AHRR: variants seen among roughly 807,000 people sequenced by gnomAD.
The protein encoded by AHRR is ahR repressor.
Under a neutral mutation model 44.0 loss-of-function variants are expected in AHRR, and 28 were observed. The observed-to-expected ratio is 0.64, with a 90% CI of 0.47 to 0.87. AHRR has a LOEUF of 0.87. Ranked by LOEUF, AHRR falls within the 40% of genes least tolerant of loss-of-function variation. The probability of loss-of-function intolerance (pLI) is 0.00; values close to 1 mark genes in which losing one functional copy is unlikely to be tolerated. For missense variants in AHRR, 990 were observed against 953.9 expected (o/e 1.04, Z -0.50); for synonymous variants, 434 against 407.0 (o/e 1.07, Z -0.80).
At chr5:379,391 G>T (rs768878599) in intron 4 of AHRR, among the ~76,000 whole-genome samples, 2 of 152,200 alleles carry the variant, frequency 1.3e-5, no homozygotes, top group Non-Finnish European at 2.9e-5. Context: ...GTCAATAGAC[G>T]TTCACATACA....
At chr5:361,699 T>G (rs543498653) in intron 3 of AHRR, among the ~76,000 whole-genome samples, 1 of 152,340 alleles carries the variant, frequency 6.6e-6, no homozygotes, top group Admixed American at 6.5e-5. Context: ...CTCTTCCTAC[T>G]GGGTCCTGCC....
rs1734202897 is a variant in AHRR, at chr5:387,215, G to A, written c.351+10499G>A. ...CAGGACACGTGTCAGTTCGTACACA[G>A]AAGCGGGGTCCTGTCTCCTGCTCTC... On this transcript the variant is annotated intron_variant, in intron 4 of 10. Coordinates refer to ENST00000684583, the MANE Select transcript of AHRR (RefSeq NM_001377236.1). This position sits in a 1 kb window ranked among gnomAD's most constrained non-coding sequence, Gnocchi z 5.1. Among the ~76,000 whole-genome samples, 1 of 152,246 alleles carries A rather than the reference G, an allele frequency of 6.6e-6. No individual in the cohort carries two copies. The highest frequency in any genetic ancestry group is 2.1e-4 in the South Asian group (1 of 4,836).
chr5:349,383 C>T (rs1242228359), intron 2 of AHRR, among the ~76,000 whole-genome samples: 1 of 152,176 alleles, frequency 6.6e-6, no homozygotes, highest in Non-Finnish European at 1.5e-5. Context: ...CGAGACCATC[C>T]TGGCTAACAC....
intron 5 of AHRR, 114 bp downstream of exon 5, chr5:413,547 C>A: frequency 1.3e-6 from 1 of 789,224 alleles, no homozygotes; most frequent in Admixed American, 2.5e-5. Flanking sequence ...TTTCCTATCA[C>A]TGAGCTCTTA....
Position 436,120 on chromosome 5 carries a change from G to A in AHRR, c.*1286G>A, listed in dbSNP as rs2126557370. On this transcript the variant is annotated 3_prime_UTR_variant, in exon 11 of 11. Coordinates refer to ENST00000684583, the MANE Select transcript of AHRR (RefSeq NM_001377236.1). ...GGGAAGGCCCCATCCTCAGGGAGAG[G>A]GCATCGGCGCCCTGACGTCAGCTCC... is the stretch of plus-strand genomic sequence containing the variant. The A allele has an allele frequency of 8.4e-6, 1 of 118,720 alleles. No individual in the cohort carries two copies. The highest frequency in any genetic ancestry group is 2.6e-4 in the South Asian group (1 of 3,868). The allele number at this position is 118,720 out of a possible 1,614,324, so 7.4% of individuals were successfully genotyped here.
At position 404,562 on chromosome 5, in the gene AHRR, G is replaced by A; in HGVS notation, c.352-8782G>A. 1 of 279,960 alleles carries A rather than the reference G, an allele frequency of 3.6e-6. No homozygotes were observed. The highest frequency in any genetic ancestry group is 4.2e-5 in the South Asian group (1 of 23,640). 17.3% of individuals were successfully genotyped at this position (279,960 alleles called of 1,614,324 possible). On this transcript the variant is annotated intron_variant, in intron 4 of 10. Transcript: ENST00000684583. This position sits in a 1 kb window ranked among gnomAD's most constrained non-coding sequence, Gnocchi z 4.1. ...GAGCAGGCGTCCTGGGCCGGGGCAG[G>A]CGATTGGTACTAAAATGGTAATTTT...
At position 383,559 on chromosome 5, in the gene AHRR, T is replaced by C. The variant is rs1734063898; in HGVS notation, c.351+6843T>C. ...GTACTAATATAGCATTCCAGCTTTC[T>C]TTTCTTTTTTTTTTTTTAATACAGA... On this transcript the variant is annotated intron_variant, in intron 4 of 10. Transcript: ENST00000684583. The surrounding 1 kb of genome is among the most constrained non-coding windows in gnomAD (Gnocchi z 4.0). Among the ~76,000 whole-genome samples, 1 of 151,520 alleles carries C rather than the reference T, an allele frequency of 6.6e-6. No homozygotes were observed. Among genetic ancestry groups the C allele is most frequent in the South Asian group, 2.1e-4 (1 of 4,812 alleles).
chr5:366,440 G>A (rs72711350), intron 3 of AHRR, among the ~76,000 whole-genome samples: 3 of 151,450 alleles, frequency 2.0e-5, no homozygotes, highest in Non-Finnish European at 2.9e-5. Flanking sequence ...ATAAATGAAT[G>A]AATAAGTAAA....
chr5:431,861 G>T (rs1579715272), intron 8 of AHRR, among the ~76,000 whole-genome samples: 1 of 152,368 alleles, frequency 6.6e-6, no homozygotes, highest in South Asian at 2.1e-4. Flanking sequence ...GTGCCCAGAG[G>T]ACAGAGAGGA....
Position 395,260 on chromosome 5 carries a change from C to T in AHRR, c.352-18084C>T, listed in dbSNP as rs1228511321. ...CTGCGTCCCCATTCCCTGAATGACA[C>T]TGGTGCGGAATGCAGACAGAGGGGG... On this transcript the variant is annotated intron_variant, in intron 4 of 10. Transcript: ENST00000684583. This position sits in a 1 kb window ranked among gnomAD's most constrained non-coding sequence, Gnocchi z 5.3. 5.9e-5 allele frequency among the ~76,000 whole-genome samples: 9 copies of T among 152,230 alleles called. No homozygotes were observed. Among genetic ancestry groups the T allele is most frequent in the Non-Finnish European group, 1.3e-4 (9 of 68,036 alleles).
At chr5:396,426 C>G (rs1256712717) in intron 4 of AHRR, among the ~76,000 whole-genome samples, 1 of 152,136 alleles carries the variant, frequency 6.6e-6, no homozygotes, top group African/African-American at 2.4e-5. Context: ...CCAGCCTCAC[C>G]CTGGCATACG....
chr5:428,109 C>T, intron 8 of AHRR, 103 bp downstream of exon 8: 1 of 1,307,568 alleles, frequency 7.6e-7, no homozygotes, highest in African/African-American at 1.5e-5. Context: ...TCATTTCCAG[C>T]CAGTAATAAG....
At chr5:327,991 G>A (rs541047662) in intron 1 of AHRR, among the ~76,000 whole-genome samples, 1 of 152,100 alleles carries the variant, frequency 6.6e-6, no homozygotes, top group Admixed American at 6.5e-5. Flanking sequence ...GTGTCCATGC[G>A]TTCTCATTGT....
chr5:322,019 C>A (rs1158880162), intron 1 of AHRR, among the ~76,000 whole-genome samples, 200 bp downstream of exon 1: 1 of 152,078 alleles, frequency 6.6e-6, no homozygotes, highest in Non-Finnish European at 1.5e-5. Flanking sequence ...ACTTAAAACT[C>A]GGACCTCGGA....
chr5:331,922 A>C (rs1419663331), intron 1 of AHRR, among the ~76,000 whole-genome samples: 1 of 152,220 alleles, frequency 6.6e-6, no homozygotes, highest in Non-Finnish European at 1.5e-5. Flanking sequence ...AAACCAGTAC[A>C]TGATGCCAAA....
At chr5:425,358 A>G (rs10076924) in intron 7 of AHRR, among the ~76,000 whole-genome samples, 4,432 of 152,220 alleles carry the variant, frequency 0.029, 128 homozygotes, top group Middle Eastern at 0.082. Context: ...TCGCTCTGTC[A>G]CCCAGGCTGG....
Position 404,285 on chromosome 5 carries a change from A to C in AHRR, c.352-9059A>C. On this transcript the variant is annotated intron_variant, in intron 4 of 10. Transcript: ENST00000684583. This position sits in a 1 kb window ranked among gnomAD's most constrained non-coding sequence, Gnocchi z 4.1. ...CAAATCATTGCCCTTCTCATCAAAC[A>C]TGTGAATAATTCGCTAATTTTTCTT... The C allele has an allele frequency of 6.1e-6, 3 of 494,996 alleles. No individual in the cohort carries two copies. Among genetic ancestry groups the C allele is most frequent in the Non-Finnish European group, 1.2e-5 (3 of 248,184 alleles). The allele number at this position is 494,996 out of a possible 1,614,324, so 30.7% of individuals were successfully genotyped here.
rs1041349405 is a variant in AHRR at position 406,100 on chromosome 5, T to C, written c.352-7244T>C. ...CAAAATTAACTGGGGAAAAAAAAACTAGGGAGAAAACGGGAAAGGAAAGGC... is the reference window on the plus strand; with the variant it reads ...CAAAATTAACTGGGGAAAAAAAAACCAGGGAGAAAACGGGAAAGGAAAGGC... On this transcript the variant is annotated intron_variant, in intron 4 of 10. Transcript: ENST00000684583. This position sits in a 1 kb window ranked among gnomAD's most constrained non-coding sequence, Gnocchi z 4.7. 2.0e-5 allele frequency among the ~76,000 whole-genome samples: 3 copies of C among 151,918 alleles called. No individual in the cohort carries two copies. Among genetic ancestry groups the C allele is most frequent in the Non-Finnish European group, 4.4e-5 (3 of 67,978 alleles).
At chr5:389,991 C>T (rs1021082531) in intron 4 of AHRR, among the ~76,000 whole-genome samples, 8 of 148,614 alleles carry the variant, frequency 5.4e-5, no homozygotes, top group Admixed American at 2.0e-4. Flanking sequence ...GACAGTGATG[C>T]GCAGAATGCA....
Sources: allele counts gnomAD v4.1 joint callset (sites outside exome capture counted in the v4.1 genomes callset), GRCh38; gene constraint gnomAD v4.1.1; non-coding constraint Gnocchi (gnomAD v3.1); transcripts MANE v1.5; gene names NCBI Gene and HGNC (gene_info 2026-07-23, HGNC 2026-07-21).